The following SLC9A8 variants were observed in gnomAD, a reference collection of about 807,000 sequenced individuals.
SLC9A8 encodes solute carrier family 9 member A8.
SLC9A8 carries 48 observed loss-of-function variants against 66.6 expected under a neutral mutation model. That is an observed-to-expected ratio of 0.72 (90% CI 0.57 to 0.92). SLC9A8 has a LOEUF of 0.92. SLC9A8 is among the 40% of genes least tolerant of loss of function. SLC9A8 has a pLI of 0.00. For missense variants in SLC9A8, 599 were observed against 747.3 expected, an observed-to-expected ratio of 0.80 and a Z score of 2.31; for synonymous variants, 274 against 282.6, an observed-to-expected ratio of 0.97 and a Z score of 0.31.
At chr20:49,832,353 C>G (rs1026478901) in intron 3 of SLC9A8, among the ~76,000 whole-genome samples, 2 of 152,128 alleles carry the variant, frequency 1.3e-5, no homozygotes, top group African/African-American at 4.8e-5. Flanking sequence ...CTGGCCTGAC[C>G]TACCTGAACT....
chr20:49,874,206 ATC>A (rs1486555073), intron 10 of SLC9A8, among the ~76,000 whole-genome samples: 531 of 50,992 alleles, frequency 0.01, 2 homozygotes, highest in African/African-American at 0.035. Flanking sequence ...GTGAGCCAAG[ATC>A]GCACGCACTA....
chr20:49,832,638 T>C (rs1387699667), intron 3 of SLC9A8, among the ~76,000 whole-genome samples: 1 of 152,166 alleles, frequency 6.6e-6, no homozygotes, highest in Admixed American at 6.5e-5. Flanking sequence ...GATTAGAACC[T>C]GAGTTAGAGG....
At chr20:49,861,558 G>T (rs145172365) in intron 8 of SLC9A8, among the ~76,000 whole-genome samples, 15 of 152,080 alleles carry the variant, frequency 9.9e-5, no homozygotes, top group Non-Finnish European at 1.8e-4. Context: ...CAAAAAGAGG[G>T]GGATCATCTA....
chr20:49,817,149 A>G (rs2086579679), intron 2 of SLC9A8, among the ~76,000 whole-genome samples: 1 of 151,364 alleles, frequency 6.6e-6, no homozygotes, highest in Admixed American at 6.6e-5. Flanking sequence ...CTCCATCTCT[A>G]CTAAAAATAC....
At chr20:49,845,826 TG>T (rs1161314385) in intron 5 of SLC9A8, among the ~76,000 whole-genome samples, 44 of 150,810 alleles carry the variant, frequency 2.9e-4, no homozygotes, top group Admixed American at 8.6e-4. Flanking sequence ...CAGTGTGAGA[TG>T]TTTTTTTTTT....
intron 3 of SLC9A8, among the ~76,000 whole-genome samples, chr20:49,836,889 G>T (rs1248419339): frequency 6.6e-6 from 1 of 151,992 alleles, no homozygotes; most frequent in South Asian, 2.1e-4. Flanking sequence ...ACAAATCTTG[G>T]GACCCTAAAA....
chr20:49,839,308 T>C (rs917700833), intron 3 of SLC9A8, among the ~76,000 whole-genome samples: 2 of 152,162 alleles, frequency 1.3e-5, no homozygotes, highest in African/African-American at 4.8e-5. Flanking sequence ...AAAATACTTT[T>C]CCTCCCCCAC....
chr20:49,829,991 G>A (rs545648382), intron 3 of SLC9A8: 4 of 624,034 alleles, frequency 6.4e-6, no homozygotes, highest in East Asian at 4.0e-5. Flanking sequence ...CGTGGAGTCC[G>A]GTACCTTGAA....
chr20:49,883,453 C>T (rs577052788), intron 13 of SLC9A8, among the ~76,000 whole-genome samples: 4 of 152,292 alleles, frequency 2.6e-5, no homozygotes, highest in African/African-American at 9.6e-5. Context: ...GTGAGGATTC[C>T]TGTGAAGATC....
At position 49,850,433 on chromosome 20, in the gene SLC9A8, C is replaced by A. The variant is rs542551389; in HGVS notation, c.535-377C>A. On this transcript the variant is annotated intron_variant, in intron 6 of 15. Transcript: ENST00000361573. ...GCAGATTTCTTTAACACATCAGCTGCTTTCTTCTCTCAATAGCCAAAGCCC... is the reference window on the plus strand; with the variant it reads ...GCAGATTTCTTTAACACATCAGCTGATTTCTTCTCTCAATAGCCAAAGCCC... Among the ~76,000 whole-genome samples, 35 of 152,298 alleles carry A rather than the reference C, an allele frequency of 2.3e-4. No homozygotes were observed. The East Asian group carries it at 6.4e-3, about 28-fold the overall frequency.
chr20:49,886,735 C>T lies in SLC9A8; in HGVS notation c.1492-17C>T. ...TGCCAGCTGGTGGCCGTCGGGCCGC[C>T]TTTCCTCCCTGCTCAGGGCAACACT... On this transcript the variant is annotated splice_polypyrimidine_tract_variant and intron_variant, in intron 14 of 15. Coordinates refer to ENST00000361573, the MANE Select transcript of SLC9A8 (RefSeq NM_015266.3). This position sits in a 1 kb window ranked among gnomAD's most constrained non-coding sequence, Gnocchi z 4.8. 1 of 1,606,776 alleles carries T rather than the reference C, an allele frequency of 6.2e-7. No homozygotes were observed. The highest frequency in any genetic ancestry group is 8.5e-7 in the Non-Finnish European group (1 of 1,176,036).
chr20:49,859,412 G>A (rs2088643705), intron 8 of SLC9A8, among the ~76,000 whole-genome samples: 1 of 152,080 alleles, frequency 6.6e-6, no homozygotes, highest in Non-Finnish European at 1.5e-5. Flanking sequence ...AGCCAGGCCT[G>A]GGAGGCTTAT....
At chr20:49,833,008 C>T (rs369825822) in intron 3 of SLC9A8, among the ~76,000 whole-genome samples, 7 of 151,986 alleles carry the variant, frequency 4.6e-5, no homozygotes, top group African/African-American at 1.7e-4. Flanking sequence ...CGGGTCCAAG[C>T]GATTCTCCCA....
At position 49,862,939 on chromosome 20, in the gene SLC9A8, G is replaced by GTAAAA; in HGVS notation, c.724_725insTAAAA (p.Gly242ValfsTer4). On this transcript the variant is annotated frameshift_variant, in exon 9 of 16. Transcript: ENST00000361573. LOFTEE classifies it high-confidence loss of function. ...TCTTTCATTTCCTAGCACAGCTGAA[G>GTAAAA]GTTTAACAAGAAAAAATATGTCAGA... 1 of 1,611,934 alleles carries GTAAAA rather than the reference G, an allele frequency of 6.2e-7. No homozygotes were observed. The highest frequency in any genetic ancestry group is 8.5e-7 in the Non-Finnish European group (1 of 1,178,398).
intron 4 of SLC9A8, among the ~76,000 whole-genome samples, chr20:49,841,501 C>T (rs2087758554): frequency 6.6e-6 from 1 of 151,950 alleles, no homozygotes; most frequent in African/African-American, 2.4e-5. Flanking sequence ...TGGGTCTGCC[C>T]AGGTAGCAAC....
At chr20:49,865,042 C>T (rs1285480799) in intron 10 of SLC9A8, among the ~76,000 whole-genome samples, 198 bp downstream of exon 10, 1 of 152,218 alleles carries the variant, frequency 6.6e-6, no homozygotes, top group Non-Finnish European at 1.5e-5. Context: ...CTCAAACAGT[C>T]ACATTGGTGT....
chr20:49,847,507 G>C (rs1047277262), intron 5 of SLC9A8, among the ~76,000 whole-genome samples: 1 of 151,670 alleles, frequency 6.6e-6, no homozygotes, highest in African/African-American at 2.4e-5. Flanking sequence ...TTATATGAAA[G>C]GGACTGATAG....
intron 8 of SLC9A8, 127 bp downstream of exon 8, chr20:49,855,708 C>G: frequency 1.2e-6 from 1 of 833,466 alleles, no homozygotes; most frequent in Non-Finnish European, 1.8e-6. Context: ...AGTTCACCCA[C>G]TCTCTTTCTC....
At position 49,886,112 on chromosome 20, in the gene SLC9A8, T is replaced by TC. The variant is rs1027502113; in HGVS notation, c.1492-636dup. On this transcript the variant is annotated intron_variant, in intron 14 of 15. Coordinates refer to ENST00000361573, the MANE Select transcript of SLC9A8 (RefSeq NM_015266.3). The surrounding 1 kb of genome is among the most constrained non-coding windows in gnomAD (Gnocchi z 4.8). ...CCTCCCTGCACCTGCCCCGTCCCCC[T>TC]CCCCACCACCTGCAGTGAAGCTGCA... Among the ~76,000 whole-genome samples the TC allele has an allele frequency of 3.3e-5, 2 of 60,040 alleles. No homozygotes were observed. Among genetic ancestry groups the TC allele is most frequent in the Non-Finnish European group, 6.6e-5 (2 of 30,442 alleles). The allele number at this position is 60,040 out of a possible 152,430, so 39.4% of individuals were successfully genotyped here.
Sources: allele counts gnomAD v4.1 joint callset (sites outside exome capture counted in the v4.1 genomes callset), GRCh38; gene constraint gnomAD v4.1.1; non-coding constraint Gnocchi (gnomAD v3.1); transcripts MANE v1.5; gene names NCBI Gene and HGNC (gene_info 2026-07-23, HGNC 2026-07-21).